BLNK: variants seen among roughly 807,000 people sequenced by gnomAD.
BLNK encodes B-cell linker protein.
A neutral mutation model predicts 73.5 loss-of-function variants in BLNK; 29 were observed. The ratio of observed to expected loss-of-function variants is 0.39; its 90% CI spans 0.29 to 0.54. The LOEUF is 0.54. BLNK is among the 20% of genes least tolerant of loss of function. The pLI, the probability that BLNK is intolerant of heterozygous loss-of-function variation, is 0.61. For synonymous variants in BLNK, 176 were observed against 200.8 expected, an observed-to-expected ratio of 0.88 and a Z score of 1.04; for missense variants, 460 against 562.8, an observed-to-expected ratio of 0.82 and a Z score of 1.85.
chr10:96,227,640 T>A, intron 4 of BLNK, 74 bp from the exon 5 acceptor site: 4 of 1,605,030 alleles, frequency 2.5e-6, no homozygotes, highest in Non-Finnish European at 3.4e-6. Flanking sequence ...CATTCCTGCC[T>A]TGGGAGGCCA....
At chr10:96,212,627 T>C (rs2083975512) in intron 8 of BLNK, among the ~76,000 whole-genome samples, 1 of 152,152 alleles carries the variant, frequency 6.6e-6, no homozygotes, top group Non-Finnish European at 1.5e-5. Context: ...AGATTTACTA[T>C]ATCACCCTCG....
Position 96,190,740 on chromosome 10 carries a change from G to T in BLNK, c.*1233C>A, listed in dbSNP as rs1206600433. 1.3e-5 allele frequency among the ~76,000 whole-genome samples: 2 copies of T among 152,136 alleles called. No homozygotes were observed. The highest frequency in any genetic ancestry group is 4.8e-5 in the African/African-American group (2 of 41,426). The stretch of plus-strand genomic sequence containing the variant: ...TTAGCTGCTTTATCACTTCACTGCT[G>T]TCTGAAGTACACAGTAGAAATATAT... On this transcript the variant is annotated 3_prime_UTR_variant, in exon 17 of 17. Coordinates refer to ENST00000224337, the MANE Select transcript of BLNK (RefSeq NM_013314.4).
Position 96,247,016 on chromosome 10 carries a change from GTT to G in BLNK, c.79_80del (p.Asn27GlnfsTer2). On this transcript the variant is annotated frameshift_variant, in exon 2 of 17. Transcript: ENST00000224337. LOFTEE classifies it high-confidence loss of function. ...QLQKMVHDIK[N>X]NEGGIMNKIK... Reference sequence around the variant, plus strand: ...TTTTATTCATTATTCCACCTTCATTGTTTTTAATATCATGGACCATCTTTTGA... The same window carrying G: ...TTTTATTCATTATTCCACCTTCATTGTTTAATATCATGGACCATCTTTTGA... 6.2e-7 allele frequency: 1 copy of G among 1,607,518 alleles called. No individual in the cohort carries two copies. Among genetic ancestry groups the G allele is most frequent in the Non-Finnish European group, 8.5e-7 (1 of 1,176,212 alleles).
intron 6 of BLNK, 41 bp downstream of exon 6, chr10:96,223,785 C>G (rs146017428): frequency 1.3e-4 from 211 of 1,610,692 alleles, no homozygotes; most frequent in African/African-American, 2.4e-4. Flanking sequence ...GCCCCACCCC[C>G]CTCTGTGTCC....
chr10:96,193,691 C>T (rs587664394), intron 16 of BLNK, among the ~76,000 whole-genome samples: 2 of 152,216 alleles, frequency 1.3e-5, no homozygotes, highest in South Asian at 2.1e-4. Context: ...AGAAAAACAA[C>T]GTATTGGCCA....
At chr10:96,241,890 T>C (rs1410309510) in intron 3 of BLNK, among the ~76,000 whole-genome samples, 6 of 152,056 alleles carry the variant, frequency 3.9e-5, no homozygotes, top group Non-Finnish European at 7.4e-5. Context: ...CCTGGATAAT[T>C]TGCATTTTTT....
chr10:96,230,671 C>G, intron 4 of BLNK, 123 bp downstream of exon 4: 1 of 1,179,038 alleles, frequency 8.5e-7, no homozygotes. Flanking sequence ...CTGTAGGTGA[C>G]CTTTCCAAGT....
chr10:96,198,644 C>T (rs2083538631), intron 15 of BLNK, among the ~76,000 whole-genome samples: 1 of 152,176 alleles, frequency 6.6e-6, no homozygotes, highest in African/African-American at 2.4e-5. Context: ...GATTTTATAG[C>T]CAGCCAAGAT....
intron 3 of BLNK, among the ~76,000 whole-genome samples, chr10:96,239,547 A>T (rs1447433231): frequency 6.6e-6 from 1 of 152,248 alleles, no homozygotes; most frequent in Non-Finnish European, 1.5e-5. Flanking sequence ...ACATGCAATC[A>T]GGAATTAAGC....
chr10:96,207,396 C>A (rs1024982754), intron 10 of BLNK, among the ~76,000 whole-genome samples: 2 of 152,198 alleles, frequency 1.3e-5, no homozygotes, highest in Non-Finnish European at 2.9e-5. Context: ...TGACCCCCCC[C>A]TTCTGTGTGT....
chr10:96,219,090 C>G (rs1163265939), intron 6 of BLNK, among the ~76,000 whole-genome samples: 1 of 152,226 alleles, frequency 6.6e-6, no homozygotes, highest in Non-Finnish European at 1.5e-5. Context: ...GCACAGGGAA[C>G]CTGGTCCTCA....
intron 1 of BLNK, among the ~76,000 whole-genome samples, chr10:96,248,127 A>G (rs546978952): frequency 6.6e-6 from 1 of 152,364 alleles, no homozygotes; most frequent in East Asian, 1.9e-4. Flanking sequence ...AAATCAAAAG[A>G]TAAATGACAT....
chr10:96,254,610 A>C (rs945658014), intron 1 of BLNK, among the ~76,000 whole-genome samples: 7 of 152,058 alleles, frequency 4.6e-5, no homozygotes, highest in Admixed American at 1.3e-4. Flanking sequence ...TCCCAGGTTC[A>C]AGTGATTCTC....
intron 8 of BLNK, among the ~76,000 whole-genome samples, chr10:96,211,579 G>T (rs1421191824): frequency 2.6e-5 from 4 of 152,202 alleles, no homozygotes; most frequent in Admixed American, 6.5e-5. Context: ...CCTCAAGGAT[G>T]GGAGCAACAG....
intron 13 of BLNK, chr10:96,203,525 G>A (rs1554896715): frequency 6.6e-6 from 1 of 151,804 alleles, no homozygotes; most frequent in Non-Finnish European, 1.5e-5. Context: ...ATTAAGGTTT[G>A]GGCAGTTACG....
chr10:96,239,235 A>G (rs1488486709), intron 3 of BLNK: 4 of 397,852 alleles, frequency 1.0e-5, no homozygotes, highest in African/African-American at 6.2e-5. Context: ...AAGCCAGGGA[A>G]TGTTAGGAGA....
intron 1 of BLNK, among the ~76,000 whole-genome samples, chr10:96,262,340 C>T (rs1211803847): frequency 6.6e-6 from 1 of 152,136 alleles, no homozygotes; most frequent in Non-Finnish European, 1.5e-5. Flanking sequence ...GAAGCACAGA[C>T]CAGGAGGAAG....
chr10:96,239,767 T>G (rs587686996), intron 3 of BLNK, among the ~76,000 whole-genome samples: 6 of 152,182 alleles, frequency 3.9e-5, no homozygotes, highest in African/African-American at 1.2e-4. Flanking sequence ...GAATAATAGA[T>G]GGATGCTACC....
intron 11 of BLNK, 24 bp downstream of exon 11, chr10:96,206,987 A>T: frequency 6.2e-7 from 1 of 1,609,326 alleles, no homozygotes; most frequent in Non-Finnish European, 8.5e-7. Context: ...GGACATGCTC[A>T]TCCTTCAAAA....
Sources: gnomAD v4.1 joint callset for allele counts (sites outside exome capture counted in the v4.1 genomes callset) on GRCh38, gnomAD v4.1.1 for gene constraint, MANE v1.5 for transcripts, NCBI Gene and HGNC (gene_info 2026-07-23, HGNC 2026-07-21) for gene names.